Variants in SFXN5 observed in about 807,000 individuals in gnomAD.
The protein encoded by SFXN5 is sideroflexin-5.
In SFXN5, 43 loss-of-function variants were observed where a neutral mutation model predicts 50.2. The observed-to-expected ratio is 0.86, with a 90% CI of 0.67 to 1.11. The LOEUF is 1.11. Among genes scored for constraint, SFXN5 ranks in the 50% least tolerant of loss-of-function variants. The probability of loss-of-function intolerance (pLI) is 0.00; values close to 1 mark genes in which losing one functional copy is unlikely to be tolerated. For synonymous variants in SFXN5, 203 were observed against 185.8 expected, an observed-to-expected ratio of 1.09 and a Z score of -0.75; for missense variants, 463 against 454.1, an observed-to-expected ratio of 1.02 and a Z score of -0.18.
rs1438588138 is a variant in SFXN5, at chr2:72,943,855, C to A, written c.*1167G>T. 1 of 152,366 alleles carries A rather than the reference C, an allele frequency of 6.6e-6. No individual in the cohort carries two copies. Among genetic ancestry groups the A allele is most frequent in the African/African-American group, 2.4e-5 (1 of 41,466 alleles). 9.4% of individuals were successfully genotyped at this position (152,366 alleles called of 1,614,324 possible). A position where few individuals can be genotyped will look rare whatever the true frequency, so the allele number is the denominator to read the frequency against. On this transcript the variant is annotated 3_prime_UTR_variant, in exon 14 of 14. Transcript: ENST00000272433. ...AAAGACGAGGTCTTGCTGGAGGAGC[C>A]AGTGGGAACCCCTTGATCCAGTCTT...
chr2:72,982,115 C>T (rs543474822), intron 10 of SFXN5, among the ~76,000 whole-genome samples: 1 of 152,252 alleles, frequency 6.6e-6, no homozygotes, highest in East Asian at 1.9e-4. Context: ...AGAGGATCAA[C>T]ATTTAGTAGG....
chr2:72,961,280 A>AC lies in SFXN5; in HGVS notation c.828-33dup. On this transcript the variant is annotated intron_variant, in intron 12 of 13. Coordinates refer to ENST00000272433, the MANE Select transcript of SFXN5 (RefSeq NM_144579.3). This position sits in a 1 kb window ranked among gnomAD's most constrained non-coding sequence, Gnocchi z 4.4. ...GGGAGAGAGGAGGGAGCCCCATGAGACCCGAAGGTGGGGTGGGCTGGCTGC... is the reference window on the plus strand; with the variant it reads ...GGGAGAGAGGAGGGAGCCCCATGAGACCCCGAAGGTGGGGTGGGCTGGCTGC... 6.9e-7 allele frequency: 1 copy of AC among 1,446,442 alleles called. No individual in the cohort carries two copies. Among genetic ancestry groups the AC allele is most frequent in the Non-Finnish European group, 9.1e-7 (1 of 1,095,300 alleles). 89.6% of individuals were successfully genotyped at this position (1,446,442 alleles called of 1,614,324 possible).
In SFXN5 at chr2:72,999,976, C is replaced by G. The variant is rs575105136; in HGVS notation, c.468+455G>C. Among the ~76,000 whole-genome samples, 7 of 152,212 alleles carry G rather than the reference C, an allele frequency of 4.6e-5. No homozygotes were observed. In the South Asian group the frequency reaches 1.5e-3, roughly 32 times the overall value. On this transcript the variant is annotated intron_variant, in intron 8 of 13. Transcript: ENST00000272433. ...GGAGTTACCAGCCCTGGACCCTCCC[C>G]ACTCAGGAGCAGCCCTTCAGCTTGT... is the stretch of plus-strand genomic sequence containing the variant.
intron 13 of SFXN5, among the ~76,000 whole-genome samples, chr2:72,949,676 G>T (rs752890638): frequency 2.0e-5 from 3 of 151,984 alleles, no homozygotes; most frequent in African/African-American, 4.8e-5. Flanking sequence ...GGGTAAGGAG[G>T]GGGTGGGGAG....
chr2:73,014,949 T>C (rs990927139), intron 6 of SFXN5, among the ~76,000 whole-genome samples: 2 of 152,224 alleles, frequency 1.3e-5, no homozygotes, highest in African/African-American at 4.8e-5. Context: ...GTTTATTTTT[T>C]CATGTCTTAC....
intron 1 of SFXN5, chr2:73,071,277 G>A (rs1683581643): frequency 2.8e-6 from 1 of 360,100 alleles, no homozygotes; most frequent in Non-Finnish European, 5.1e-6. Context: ...GCGACCCTGA[G>A]CAGCCGCTCG....
chr2:72,991,439 G>A (rs1672589902), intron 9 of SFXN5, among the ~76,000 whole-genome samples: 1 of 152,298 alleles, frequency 6.6e-6, no homozygotes, highest in Admixed American at 6.5e-5. Context: ...ACCTGGGCAT[G>A]TGTGTAGCTG....
chr2:73,013,773 T>C (rs1363519592), intron 6 of SFXN5, among the ~76,000 whole-genome samples: 4 of 152,034 alleles, frequency 2.6e-5, no homozygotes, highest in Non-Finnish European at 5.9e-5. Context: ...CCAATCTTAT[T>C]TCGTCAATTT....
In SFXN5 at chr2:73,045,661, G is replaced by C. The variant is rs527385132; in HGVS notation, c.172-4730C>G. Among the ~76,000 whole-genome samples the C allele has an allele frequency of 5.9e-5, 9 of 152,192 alleles. No homozygotes were observed. The South Asian group carries it at 1.9e-3, about 32-fold the overall frequency. ...CACTGGGCCAATCTTGCACCACTGA[G>C]GGCAGGGCCGTGCATCCTTACCACA... On this transcript the variant is annotated intron_variant, in intron 2 of 13. Coordinates refer to ENST00000272433, the MANE Select transcript of SFXN5 (RefSeq NM_144579.3).
At chr2:73,038,301 A>G (rs1033073629) in intron 3 of SFXN5, among the ~76,000 whole-genome samples, 4 of 152,246 alleles carry the variant, frequency 2.6e-5, no homozygotes, top group African/African-American at 9.6e-5. Flanking sequence ...CAGTAAAAAT[A>G]TGGCATAAAA....
chr2:73,023,585 A>G (rs61650913), intron 3 of SFXN5, among the ~76,000 whole-genome samples: 38,772 of 152,142 alleles, frequency 0.25, 5,210 homozygotes, highest in East Asian at 0.5. Flanking sequence ...AGATACTTCA[A>G]TTGTCTCCCA....
chr2:73,022,759 C>T (rs62147729), intron 4 of SFXN5, among the ~76,000 whole-genome samples, 183 bp from the exon 5 acceptor site: 1,648 of 152,222 alleles, frequency 0.011, 11 homozygotes, highest in South Asian at 0.05. Flanking sequence ...TTAGGCCTTT[C>T]CACCACTCAA....
chr2:72,984,358 A>G (rs1204552830), intron 10 of SFXN5, among the ~76,000 whole-genome samples: 3 of 152,230 alleles, frequency 2.0e-5, no homozygotes, highest in Non-Finnish European at 4.4e-5. Context: ...AGGCGTGTGC[A>G]CACACACACT....
At chr2:73,060,669 C>G (rs762136983) in intron 1 of SFXN5, among the ~76,000 whole-genome samples, 1 of 151,196 alleles carries the variant, frequency 6.6e-6, no homozygotes, top group Non-Finnish European at 1.5e-5. Flanking sequence ...AATATAATTA[C>G]TACACTGCGG....
At chr2:72,979,239 A>T (rs1031078070) in intron 10 of SFXN5, among the ~76,000 whole-genome samples, 2 of 152,312 alleles carry the variant, frequency 1.3e-5, no homozygotes, top group Non-Finnish European at 2.9e-5. Flanking sequence ...TTCTGTGGGG[A>T]GAGAAAGAAA....
intron 6 of SFXN5, among the ~76,000 whole-genome samples, chr2:73,010,579 G>A (rs1298179370): frequency 1.3e-5 from 2 of 152,106 alleles, no homozygotes; most frequent in Non-Finnish European, 2.9e-5. Flanking sequence ...CTGTTATTTT[G>A]GACTTTGTTA....
chr2:73,044,940 G>A (rs1680128883), intron 2 of SFXN5, among the ~76,000 whole-genome samples: 1 of 152,210 alleles, frequency 6.6e-6, no homozygotes, highest in Non-Finnish European at 1.5e-5. Flanking sequence ...GGGAAAGGGT[G>A]GGAAGAGGGC....
At chr2:73,026,753 A>G (rs1173386933) in intron 3 of SFXN5, among the ~76,000 whole-genome samples, 1 of 151,602 alleles carries the variant, frequency 6.6e-6, no homozygotes, top group Non-Finnish European at 1.5e-5. Context: ...TTTGAGATGG[A>G]GTTTCACTCT....
Position 72,945,716 on chromosome 2 carries a change from C to A in SFXN5, c.946-617G>T, listed in dbSNP as rs1398397266. Among the ~76,000 whole-genome samples, 6 of 152,226 alleles carry A rather than the reference C, an allele frequency of 3.9e-5. No homozygotes were observed. The highest frequency in any genetic ancestry group is 1.4e-4 in the African/African-American group (6 of 41,540). On this transcript the variant is annotated intron_variant, in intron 13 of 13. Transcript: ENST00000272433. The surrounding 1 kb of genome is among the most constrained non-coding windows in gnomAD (Gnocchi z 5.8). The stretch of plus-strand genomic sequence containing the variant: ...TCCCACGCTGCTGGCAGAAGCCCTG[C>A]TTCGGAGAACCCCACCATGCACCCC...
Sources: allele counts gnomAD v4.1 joint callset (sites outside exome capture counted in the v4.1 genomes callset), GRCh38; gene constraint gnomAD v4.1.1; non-coding constraint Gnocchi (gnomAD v3.1); transcripts MANE v1.5; gene names NCBI Gene and HGNC (gene_info 2026-07-23, HGNC 2026-07-21).